The following ROBO2 variants were observed in gnomAD, a reference collection of about 807,000 sequenced individuals.
ROBO2 encodes roundabout homolog 2.
A neutral mutation model predicts 160.8 loss-of-function variants in ROBO2; 53 were observed. That is an observed-to-expected ratio of 0.33 (90% CI 0.26 to 0.41). The LOEUF (loss-of-function observed/expected upper bound fraction) is 0.41, where lower values mean the gene tolerates loss of function less well. Ranked by LOEUF, ROBO2 falls within the 10% of genes least tolerant of loss-of-function variation. The probability of loss-of-function intolerance (pLI) is 1.00; values close to 1 mark genes in which losing one functional copy is unlikely to be tolerated. For missense variants in ROBO2, 1,577 were observed against 1,722.4 expected (o/e 0.92, Z 1.49); for synonymous variants, 664 against 611.7 (o/e 1.09, Z -1.26).
chr3:77,415,330 A>G (rs1476789113), intron 2 of ROBO2, among the ~76,000 whole-genome samples: 6 of 152,186 alleles, frequency 3.9e-5, no homozygotes, highest in African/African-American at 7.2e-5. Flanking sequence ...AGGGGTATGA[A>G]TATTTTTCTA....
At chr3:76,886,903 T>C (rs2073935413) in intron 2 of ROBO2, among the ~76,000 whole-genome samples, 1 of 152,198 alleles carries the variant, frequency 6.6e-6, no homozygotes, top group African/African-American at 2.4e-5. Flanking sequence ...TCATTCACAT[T>C]AGCCACATTC....
intron 2 of ROBO2, among the ~76,000 whole-genome samples, chr3:76,540,734 T>C (rs1409690935): frequency 1.3e-5 from 2 of 152,142 alleles, no homozygotes; most frequent in African/African-American, 4.8e-5. Flanking sequence ...GGCCTTGACA[T>C]AAGAAATAGA....
rs144870988 is a variant in ROBO2 at position 76,486,290 on chromosome 3, C to G, written c.109+548688C>G. 6.6e-5 allele frequency among the ~76,000 whole-genome samples: 10 copies of G among 152,236 alleles called. No individual in the cohort carries two copies. In the East Asian group the frequency reaches 1.4e-3, roughly 21 times the overall value. ...AGAAGGAAGAACTCAGACTTGAGCT[C>G]TTATGCAGAGAGCCCTTAGAGTGAT... On this transcript the variant is annotated intron_variant, in intron 2 of 26. Transcript: ENST00000487694.
intron 2 of ROBO2, among the ~76,000 whole-genome samples, chr3:77,436,335 G>GTTTA (rs1196426628): frequency 6.6e-6 from 1 of 151,582 alleles, no homozygotes; most frequent in Non-Finnish European, 1.5e-5. Context: ...TACATTATCT[G>GTTTA]TTTGTTCTCT....
intron 2 of ROBO2, among the ~76,000 whole-genome samples, chr3:76,835,017 TTATAAA>T (rs2067555457): frequency 6.6e-6 from 1 of 152,144 alleles, no homozygotes; most frequent in South Asian, 2.1e-4. Flanking sequence ...GAATTATATC[TTATAAA>T]TATTAAGAAT....
intron 2 of ROBO2, among the ~76,000 whole-genome samples, chr3:76,644,507 A>G (rs950325136): frequency 4.6e-5 from 7 of 152,000 alleles, no homozygotes; most frequent in African/African-American, 1.7e-4. Context: ...TATTATAACT[A>G]CAGCCACTCA....
intron 2 of ROBO2, among the ~76,000 whole-genome samples, chr3:76,277,418 C>T (rs1238506715): frequency 1.3e-5 from 2 of 151,898 alleles, no homozygotes; most frequent in African/African-American, 2.4e-5. Context: ...AAATAGTTGA[C>T]GGACTAAGAA....
chr3:76,787,602 ATATG>A, intron 2 of ROBO2, among the ~76,000 whole-genome samples: 1 of 151,440 alleles, frequency 6.6e-6, no homozygotes. Flanking sequence ...TAAGTTCTCT[ATATG>A]TATTTTATTC....
At chr3:76,422,541 G>A (rs1389179408) in intron 2 of ROBO2, among the ~76,000 whole-genome samples, 1 of 152,108 alleles carries the variant, frequency 6.6e-6, no homozygotes, top group African/African-American at 2.4e-5. Context: ...CAGGTCACTG[G>A]GGCGCCATTT....
At chr3:76,705,969 T>C (rs2093153691) in intron 2 of ROBO2, among the ~76,000 whole-genome samples, 1 of 152,140 alleles carries the variant, frequency 6.6e-6, no homozygotes, top group Admixed American at 6.6e-5. Flanking sequence ...AGAATCCAGT[T>C]ATACATTTTT....
intron 2 of ROBO2, among the ~76,000 whole-genome samples, chr3:76,166,006 T>A (rs964848636): frequency 4.6e-5 from 7 of 152,096 alleles, no homozygotes; most frequent in Middle Eastern, 3.2e-3. Flanking sequence ...TGATCACTGA[T>A]TGCAGATCAC....
intron 2 of ROBO2, among the ~76,000 whole-genome samples, chr3:76,114,185 G>A (rs750067059): frequency 6.6e-5 from 10 of 152,218 alleles, no homozygotes; most frequent in South Asian, 2.1e-4. Context: ...TCACTGTCGC[G>A]TTGTGAATTG....
chr3:77,391,765 C>T (rs1451675580), intron 2 of ROBO2, among the ~76,000 whole-genome samples: 2 of 152,024 alleles, frequency 1.3e-5, no homozygotes, highest in Admixed American at 6.6e-5. Flanking sequence ...CATTATGTTG[C>T]CCAGGCTGGT....
At chr3:77,540,182 G>A (rs1017879956) in intron 6 of ROBO2, among the ~76,000 whole-genome samples, 2 of 152,160 alleles carry the variant, frequency 1.3e-5, no homozygotes, top group African/African-American at 4.8e-5. Context: ...TATACTTACA[G>A]GTAGTATAGA....
chr3:76,359,059 G>GATT (rs1296660194), intron 2 of ROBO2, among the ~76,000 whole-genome samples: 2 of 151,538 alleles, frequency 1.3e-5, no homozygotes, highest in African/African-American at 4.8e-5. Context: ...TACTGAGAAT[G>GATT]ATTATTTCCA....
chr3:76,904,364 T>G (rs957385366), intron 2 of ROBO2, among the ~76,000 whole-genome samples: 1 of 152,178 alleles, frequency 6.6e-6, no homozygotes, highest in Admixed American at 6.5e-5. Context: ...TCAGTACATT[T>G]TCTGATGGTA....
chr3:76,482,553 A>G (rs1355120219), intron 2 of ROBO2, among the ~76,000 whole-genome samples: 4 of 152,138 alleles, frequency 2.6e-5, no homozygotes, highest in African/African-American at 9.6e-5. Flanking sequence ...AGATTTTCCA[A>G]AAGGTTAGGT....
intron 2 of ROBO2, among the ~76,000 whole-genome samples, chr3:76,048,352 G>T (rs2067519980): frequency 6.6e-6 from 1 of 152,040 alleles, no homozygotes; most frequent in Non-Finnish European, 1.5e-5. Flanking sequence ...TTATATTTGT[G>T]CAACTTGAAA....
At chr3:76,373,886 A>G (rs925027158) in intron 2 of ROBO2, among the ~76,000 whole-genome samples, 6 of 151,890 alleles carry the variant, frequency 4.0e-5, no homozygotes, top group Admixed American at 1.3e-4. Flanking sequence ...GTCATGGGCC[A>G]TGATATCTGA....
Sources: allele counts gnomAD v4.1 joint callset (sites outside exome capture counted in the v4.1 genomes callset), GRCh38; gene constraint gnomAD v4.1.1; transcripts MANE v1.5; gene names NCBI Gene and HGNC (gene_info 2026-07-23, HGNC 2026-07-21).